PCDHGB6: variants seen among roughly 807,000 people sequenced by gnomAD.
PCDHGB6 encodes protocadherin gamma-B6.
Under a neutral mutation model 59.1 loss-of-function variants are expected in PCDHGB6, and 51 were observed. The observed-to-expected ratio is 0.86, with a 90% CI of 0.69 to 1.09. The LOEUF (loss-of-function observed/expected upper bound fraction) is 1.09, where lower values mean the gene tolerates loss of function less well. Among genes scored for constraint, PCDHGB6 ranks in the 50% least tolerant of loss-of-function variants. PCDHGB6 has a pLI of 0.00. For missense variants in PCDHGB6, 1,148 were observed against 1,205.1 expected (o/e 0.95, Z 0.70); for synonymous variants, 466 against 495.1 (o/e 0.94, Z 0.78).
At chr5:141,421,044 C>T (rs556562994) in intron 1 of PCDHGB6, 3 of 548,494 alleles carry the variant, frequency 5.5e-6, no homozygotes, top group African/African-American at 1.9e-5. Context: ...CTCCCTCCCC[C>T]GCCTCTACCA....
At chr5:141,437,016 T>G (rs1025489534) in intron 1 of PCDHGB6, among the ~76,000 whole-genome samples, 1 of 152,254 alleles carries the variant, frequency 6.6e-6, no homozygotes, top group Non-Finnish European at 1.5e-5. Flanking sequence ...TTAGATAATT[T>G]CACCAGAAAA....
chr5:141,485,362 G>T lies in PCDHGB6; in HGVS notation c.2419-9445G>T. 6.2e-7 allele frequency: 1 copy of T among 1,614,144 alleles called. No individual in the cohort carries two copies. ...ATACGGACAGTCTGTCAGCTCGCAG[G>T]CTGCAGGTCGCTGGAGAGGTGAACC... is the stretch of plus-strand genomic sequence containing the variant. On this transcript the variant is annotated intron_variant, in intron 1 of 3. Coordinates refer to ENST00000520790, the MANE Select transcript of PCDHGB6 (RefSeq NM_018926.3). The surrounding 1 kb of genome is among the most constrained non-coding windows in gnomAD (Gnocchi z 5.7).
chr5:141,419,075 A>G, intron 1 of PCDHGB6: 1 of 1,613,968 alleles, frequency 6.2e-7, no homozygotes, highest in Non-Finnish European at 8.5e-7. Context: ...CAAGCTAGTA[A>G]CAGATGAGGC....
Position 141,476,735 on chromosome 5 carries a change from G to C in PCDHGB6, c.2419-18072G>C, listed in dbSNP as rs1267556668. The C allele has an allele frequency of 6.2e-7, 1 of 1,613,974 alleles. No individual in the cohort carries two copies. Among genetic ancestry groups the C allele is most frequent in the African/African-American group, 1.3e-5 (1 of 74,940 alleles). On this transcript the variant is annotated intron_variant, in intron 1 of 3. Coordinates refer to ENST00000520790, the MANE Select transcript of PCDHGB6 (RefSeq NM_018926.3). This position sits in a 1 kb window ranked among gnomAD's most constrained non-coding sequence, Gnocchi z 7.6. ...GGAGCGCGCCCTGGACCGAGAACGG[G>C]AGCCTAGTCTCCAGTTAGTGCTGAC...
intron 1 of PCDHGB6, among the ~76,000 whole-genome samples, chr5:141,453,225 C>T (rs2098758997): frequency 6.6e-6 from 1 of 152,044 alleles, no homozygotes; most frequent in African/African-American, 2.4e-5. Context: ...GCGATCCTCC[C>T]ACCTCAGCCT....
intron 1 of PCDHGB6, chr5:141,478,884 C>T (rs767294994): frequency 9.2e-5 from 110 of 1,194,180 alleles, no homozygotes; most frequent in Non-Finnish European, 1.2e-4. Context: ...AGCTTGGTAT[C>T]ATTTACATTA....
At chr5:141,422,606 C>T in intron 1 of PCDHGB6, 1 of 1,613,904 alleles carries the variant, frequency 6.2e-7, no homozygotes, top group Non-Finnish European at 8.5e-7. Flanking sequence ...TCTTACTCTG[C>T]CTACATTCCC....
intron 1 of PCDHGB6, among the ~76,000 whole-genome samples, chr5:141,456,538 A>T (rs1010588747): frequency 7.2e-5 from 11 of 152,184 alleles, no homozygotes; most frequent in Admixed American, 3.3e-4. Context: ...TTAAAGAGGG[A>T]TTGTAGCCAC....
intron 2 of PCDHGB6, 34 bp from the exon 3 acceptor site, chr5:141,505,359 G>T: frequency 1.9e-6 from 3 of 1,613,870 alleles, no homozygotes; most frequent in Non-Finnish European, 2.5e-6. Context: ...TGCCGGCCTG[G>T]GAGTCTGTGC....
chr5:141,484,944 AG>A (rs1354711871), intron 1 of PCDHGB6: 1 of 546,450 alleles, frequency 1.8e-6, no homozygotes, highest in Non-Finnish European at 3.3e-6. Context: ...TTCTCTGCTC[AG>A]CCTATTGGCT....
intron 1 of PCDHGB6, chr5:141,423,156 C>T (rs62378456): frequency 0.034 from 55,171 of 1,613,388 alleles, 1,070 homozygotes; most frequent in Middle Eastern, 0.098. Context: ...AGCAGAGCCT[C>T]GTGGTGGCCG....
At position 141,423,386 on chromosome 5, in the gene PCDHGB6, G is replaced by C; in HGVS notation, c.2418+12766G>C. ...CTGCTGGCACTCAGGCTGTGGCGCT[G>C]GCATAAGTCACGCCTGCTGCAGGCT... On this transcript the variant is annotated intron_variant, in intron 1 of 3. Transcript: ENST00000520790. The C allele has an allele frequency of 1.9e-6, 3 of 1,614,160 alleles. No homozygotes were observed. The South Asian group carries it at 3.3e-5, about 18-fold the overall frequency.
rs1561856520 is a variant in PCDHGB6 at position 141,431,983 on chromosome 5, A to C, written c.2418+21363A>C. 3.1e-6 allele frequency: 5 copies of C among 1,614,242 alleles called. No homozygotes were observed. Among genetic ancestry groups the C allele is most frequent in the Non-Finnish European group, 4.2e-6 (5 of 1,180,036 alleles). ...ATTACTATAGTTTAGTCACAGACAT[A>C]GTCTTGGATAGGGAACAGGTTCCTA... On this transcript the variant is annotated intron_variant, in intron 1 of 3. Coordinates refer to ENST00000520790, the MANE Select transcript of PCDHGB6 (RefSeq NM_018926.3). The surrounding 1 kb of genome is among the most constrained non-coding windows in gnomAD (Gnocchi z 4.8).
At chr5:141,415,482 G>A in intron 1 of PCDHGB6, 1 of 1,614,218 alleles carries the variant, frequency 6.2e-7, no homozygotes, top group Non-Finnish European at 8.5e-7. Flanking sequence ...ACTCGCGAAA[G>A]AGTCACCTGA....
Position 141,409,350 on chromosome 5 carries a change from G to T in PCDHGB6, c.1148G>T (p.Arg383Met). ...DLDFGGNGEV[R>M]CNIETDIPFK... ...GATTTCGGAGGAAATGGAGAAGTCA[G>T]GTGTAATATAGAAACAGACATTCCA... is the stretch of plus-strand genomic sequence containing the variant. Residue 383 changes from arginine to methionine, a missense_variant, in exon 1 of 4, where the codon AGG (arginine) becomes ATG (methionine). Coordinates refer to ENST00000520790, the MANE Select transcript of PCDHGB6 (RefSeq NM_018926.3). 1 of 1,613,922 alleles carries T rather than the reference G, an allele frequency of 6.2e-7. No individual in the cohort carries two copies. Among genetic ancestry groups the T allele is most frequent in the Non-Finnish European group, 8.5e-7 (1 of 1,179,882 alleles).
chr5:141,494,820 AC>A lies in PCDHGB6; in HGVS notation c.2433del (p.Asn811LysfsTer39). 6.2e-7 allele frequency: 1 copy of A among 1,613,988 alleles called. No homozygotes were observed. The highest frequency in any genetic ancestry group is 2.2e-5 in the East Asian group (1 of 44,874). On this transcript the variant is annotated frameshift_variant, in exon 2 of 4. Coordinates refer to ENST00000520790, the MANE Select transcript of PCDHGB6 (RefSeq NM_018926.3). LOFTEE classifies it high-confidence loss of function. ...TTTTCTCCACAGCAAGCCCCGCCCA[AC>A]ACGGACTGGCGTTTCTCTCAGGCCC... ...PETLTSQAPP[N>X]TDWRFSQAQR...
chr5:141,509,645 G>C (rs138497208), intron 3 of PCDHGB6, among the ~76,000 whole-genome samples: 8 of 152,338 alleles, frequency 5.3e-5, no homozygotes, highest in African/African-American at 1.9e-4. Context: ...GCCAGGGCCA[G>C]AGTGTGGACT....
Position 141,487,540 on chromosome 5 carries a change from G to T in PCDHGB6, c.2419-7267G>T, listed in dbSNP as rs1319372340. The T allele has an allele frequency of 1.2e-6, 2 of 1,614,208 alleles. No homozygotes were observed. Among genetic ancestry groups the T allele is most frequent in the Admixed American group, 3.3e-5 (2 of 60,034 alleles). ...GGAGTGATAGCTTCATGATGGTGAA[G>T]TCACCCAGTGCACCTATGGCAGGGG... is the stretch of plus-strand genomic sequence containing the variant. On this transcript the variant is annotated intron_variant, in intron 1 of 3. Transcript: ENST00000520790. This position sits in a 1 kb window ranked among gnomAD's most constrained non-coding sequence, Gnocchi z 5.0.
intron 1 of PCDHGB6, among the ~76,000 whole-genome samples, chr5:141,457,477 C>A (rs964080100): frequency 2.0e-5 from 3 of 152,134 alleles, no homozygotes; most frequent in African/African-American, 7.2e-5. Context: ...TAAGCAGGGC[C>A]AGGGTTAGTC....
Sources: gnomAD v4.1 joint callset for allele counts (sites outside exome capture counted in the v4.1 genomes callset) on GRCh38, gnomAD v4.1.1 for gene constraint, Gnocchi (gnomAD v3.1) non-coding constraint, MANE v1.5 for transcripts, NCBI Gene and HGNC (gene_info 2026-07-23, HGNC 2026-07-21) for gene names.